Variants in GPAM observed in about 807,000 individuals in gnomAD.
GPAM encodes the protein glycerol-3-phosphate acyltransferase, mitochondrial.
In GPAM, 56 loss-of-function variants were observed where a neutral mutation model predicts 105.0. The ratio of observed to expected loss-of-function variants is 0.53; its 90% CI spans 0.43 to 0.67. GPAM has a LOEUF of 0.67. Ranked by LOEUF, GPAM falls within the 30% of genes least tolerant of loss-of-function variation. The probability of loss-of-function intolerance (pLI) is 0.00; values close to 1 mark genes in which losing one functional copy is unlikely to be tolerated. For synonymous variants in GPAM, 368 were observed against 354.4 expected (o/e 1.04, Z -0.43); for missense variants, 855 against 989.8 (o/e 0.86, Z 1.83).
At chr10:112,196,160 T>C (rs778830682) in intron 1 of GPAM, among the ~76,000 whole-genome samples, 2 of 152,174 alleles carry the variant, frequency 1.3e-5, no homozygotes, top group African/African-American at 4.8e-5. Flanking sequence ...AGGGAAAAAC[T>C]AGGCATGGCT....
rs79065667 is a variant in GPAM, at chr10:112,168,836, T to C, written c.894+17A>G. 37 of 1,431,932 alleles carry C rather than the reference T, an allele frequency of 2.6e-5. No homozygotes were observed. Among genetic ancestry groups the C allele is most frequent in the Non-Finnish European group, 3.6e-5 (36 of 1,013,866 alleles). 88.7% of individuals were successfully genotyped at this position (1,431,932 alleles called of 1,614,324 possible). A position where few individuals can be genotyped will look rare whatever the true frequency, so the allele number is the denominator to read the frequency against. ...ACCAACACAATGTCCCTAAGGATAA[T>C]TAGAGATCACACATACCCCATGGAG... is the stretch of plus-strand genomic sequence containing the variant. On this transcript the variant is annotated intron_variant, in intron 10 of 21. Transcript: ENST00000348367.
intron 1 of GPAM, among the ~76,000 whole-genome samples, chr10:112,203,785 A>G (rs1273558968): frequency 6.6e-6 from 1 of 152,200 alleles, no homozygotes; most frequent in Non-Finnish European, 1.5e-5. Context: ...GACTTGTCAG[A>G]TATGATGCTG....
At chr10:112,192,148 G>C (rs1350013290) in intron 1 of GPAM, among the ~76,000 whole-genome samples, 1 of 152,164 alleles carries the variant, frequency 6.6e-6, no homozygotes, top group African/African-American at 2.4e-5. Flanking sequence ...GCCTTCAAGA[G>C]AACTTTGACA....
rs549294496 is a variant in GPAM at position 112,208,808 on chromosome 10, C to T, written n.210+6360G>A. Among the ~76,000 whole-genome samples, 12 of 152,228 alleles carry T rather than the reference C, an allele frequency of 7.9e-5. No homozygotes were observed. The East Asian group carries it at 2.3e-3, about 29-fold the overall frequency. The stretch of plus-strand genomic sequence containing the variant: ...CCATCATTTGATAAAAGAAGTAATG[C>T]TTTAAAATCCCAACAAGCAGGAAGG... On this transcript the variant is annotated intron_variant and non_coding_transcript_variant, in intron 1 of 3. Transcript: ENST00000480130.
At chr10:112,226,971 C>T in the GPAM span, among the ~76,000 whole-genome samples, 1 of 152,134 alleles carries the variant, frequency 6.6e-6, no homozygotes, top group African/African-American at 2.4e-5. Context: ...GGGTTTTAGA[C>T]CCTGGACCCC....
At chr10:112,221,058 T>A in the GPAM span, among the ~76,000 whole-genome samples, 2 of 152,192 alleles carry the variant, frequency 1.3e-5, no homozygotes, top group Admixed American at 1.3e-4. Flanking sequence ...AATATTGCCA[T>A]GGGAAAATGT....
intron 1 of GPAM, among the ~76,000 whole-genome samples, chr10:112,208,723 T>C (rs1233236580): frequency 2.0e-5 from 3 of 152,220 alleles, no homozygotes; most frequent in African/African-American, 7.2e-5. Context: ...ACTAATTTTT[T>C]AATTCTGCCC....
intron 15 of GPAM, among the ~76,000 whole-genome samples, 164 bp downstream of exon 15, chr10:112,161,503 A>C (rs1275297693): frequency 1.3e-5 from 2 of 152,222 alleles, no homozygotes; most frequent in South Asian, 2.1e-4. Context: ...TTCTTCCTCC[A>C]CCAAGTTGAT....
At chr10:112,225,806 G>A in the GPAM span, among the ~76,000 whole-genome samples, 5 of 152,152 alleles carry the variant, frequency 3.3e-5, no homozygotes, top group African/African-American at 1.2e-4. Context: ...CTCCACTAGG[G>A]TGTCAGCTTC....
intron 1 of GPAM, among the ~76,000 whole-genome samples, chr10:112,212,777 T>A (rs1847926479): frequency 6.6e-6 from 1 of 152,152 alleles, no homozygotes. Context: ...GTGGTGGTAA[T>A]CCCTCTACCT....
At chr10:112,190,177 A>C (rs944830593) in intron 1 of GPAM, among the ~76,000 whole-genome samples, 2 of 152,174 alleles carry the variant, frequency 1.3e-5, no homozygotes, top group Non-Finnish European at 2.9e-5. Flanking sequence ...TTCTAAAAAA[A>C]TAATAAAAGA....
chr10:112,174,096 T>C (rs547435294), intron 6 of GPAM, among the ~76,000 whole-genome samples: 1,099 of 61,122 alleles, frequency 0.018, 8 homozygotes, highest in Middle Eastern at 0.052. Flanking sequence ...AATTCAAATT[T>C]ACTGGGTGAA....
At position 112,175,708 on chromosome 10, in the gene GPAM, C is replaced by A; in HGVS notation, c.305G>T (p.Arg102Leu). ...IYINETHTRH[R>L]GWLARRLSYV... ...AGAAAGGCGTCTTGCAAGCCATCCG[C>A]GGTGTCTGTGAAAATGATTTAGCAG... Residue 102 changes from arginine (R) to leucine (L), a missense_variant, in exon 6 of 22, where the codon CGC becomes CTC. Coordinates refer to ENST00000348367, the MANE Select transcript of GPAM (RefSeq NM_001244949.2). The A allele has an allele frequency of 6.2e-7, 1 of 1,602,498 alleles. No individual in the cohort carries two copies. Among genetic ancestry groups the A allele is most frequent in the Non-Finnish European group, 8.6e-7 (1 of 1,169,516 alleles).
At chr10:112,216,074 T>C (rs1962270), upstream of GPAM, among the ~76,000 whole-genome samples, 45,412 of 151,954 alleles carry the variant, frequency 0.3, 7,903 homozygotes, top group African/African-American at 0.47. Flanking sequence ...ACACTGTCAG[T>C]CGCTTCCTGC....
At chr10:112,158,687 T>C (rs1407362959) in intron 17 of GPAM, among the ~76,000 whole-genome samples, 1 of 152,202 alleles carries the variant, frequency 6.6e-6, no homozygotes, top group Admixed American at 6.5e-5. Flanking sequence ...TGGAAAGCCC[T>C]CTGAAGACTG....
Position 112,198,925 on chromosome 10 carries a change from G to GTT in GPAM, n.211-16036_211-16035dup, listed in dbSNP as rs112285181. 4.8e-4 allele frequency among the ~76,000 whole-genome samples: 70 copies of GTT among 146,396 alleles called. 2 individuals carry two copies. Among genetic ancestry groups the GTT allele is most frequent in the South Asian group, 4.6e-3 (21 of 4,604 alleles). ...ATTTTTATTTTGTTGTTGTTGTTTT[G>GTT]TTTTTTTTTTTGTTTTGAGACGGAG... On this transcript the variant is annotated intron_variant and non_coding_transcript_variant, in intron 1 of 3. Coordinates refer to the GPAM transcript ENST00000480130.
intron 19 of GPAM, chr10:112,156,606 G>A (rs1011465953): frequency 2.3e-5 from 4 of 173,646 alleles, no homozygotes; most frequent in South Asian, 1.4e-4. Context: ...ACACTGGTTC[G>A]GTCAAGCCCC....
chr10:112,200,814 C>T (rs1847789063), intron 1 of GPAM, among the ~76,000 whole-genome samples: 1 of 152,142 alleles, frequency 6.6e-6, no homozygotes. Flanking sequence ...TACTGTGTAG[C>T]TATTATTAGC....
rs561164166 is a variant in GPAM at position 112,173,947 on chromosome 10, T to A, written c.414-102A>T. 3.0e-4 allele frequency: 283 copies of A among 944,966 alleles called. 1 individual carries two copies. The African/African-American group carries it at 4.0e-3, about 13-fold the overall frequency. The allele number at this position is 944,966 out of a possible 1,614,324, so 58.5% of individuals were successfully genotyped here. On this transcript the variant is annotated intron_variant, in intron 6 of 21. Coordinates refer to ENST00000348367, the MANE Select transcript of GPAM (RefSeq NM_001244949.2). Reference sequence around the variant, plus strand: ...GCTGTAAATCACAAAACAAAATGTATGTTCTCTTTAAAATGCGGTAACATG... The same window carrying A: ...GCTGTAAATCACAAAACAAAATGTAAGTTCTCTTTAAAATGCGGTAACATG...
Sources: allele counts gnomAD v4.1 joint callset (sites outside exome capture counted in the v4.1 genomes callset), GRCh38; gene constraint gnomAD v4.1.1; transcripts MANE v1.5; gene names NCBI Gene and HGNC (gene_info 2026-07-23, HGNC 2026-07-21).